CUL2: variants seen among roughly 807,000 people sequenced by gnomAD.
CUL2 encodes cullin 2.
Under a neutral mutation model 110.2 loss-of-function variants are expected in CUL2, and 22 were observed. The observed-to-expected ratio is 0.20, with a 90% CI of 0.14 to 0.28. CUL2 has a LOEUF of 0.28. CUL2 is among the 10% of genes least tolerant of loss of function. The probability of loss-of-function intolerance (pLI) is 1.00; values close to 1 mark genes in which losing one functional copy is unlikely to be tolerated. For synonymous variants in CUL2, 279 were observed against 293.2 expected, an observed-to-expected ratio of 0.95 and a Z score of 0.49; for missense variants, 631 against 905.5, an observed-to-expected ratio of 0.70 and a Z score of 3.89.
chr10:35,055,845 AGAGGAAT>A (rs1157533742), intron 4 of CUL2, among the ~76,000 whole-genome samples: 1 of 152,160 alleles, frequency 6.6e-6, no homozygotes, highest in Non-Finnish European at 1.5e-5. Context: ...AGCTAAGGAA[AGAGGAAT>A]AAGATTGAGA....
intron 10 of CUL2, among the ~76,000 whole-genome samples, chr10:35,033,731 C>A (rs187194409): frequency 6.9e-6 from 1 of 145,066 alleles, no homozygotes; most frequent in Non-Finnish European, 1.5e-5. Context: ...AGTGAGACTC[C>A]GTCTCAGAAA....
intron 18 of CUL2, among the ~76,000 whole-genome samples, chr10:35,015,555 A>G (rs2085005179): frequency 6.6e-6 from 1 of 152,222 alleles, no homozygotes; most frequent in Non-Finnish European, 1.5e-5. Context: ...AATAATTTGA[A>G]GGAGATATAA....
intron 3 of CUL2, among the ~76,000 whole-genome samples, chr10:35,061,774 T>G (rs1468886335): frequency 6.6e-6 from 1 of 151,232 alleles, no homozygotes; most frequent in East Asian, 1.9e-4. Context: ...TGAGGGTTTT[T>G]TTTTTTTTTT....
chr10:35,031,254 T>C lies in CUL2; in HGVS notation c.1386+46A>G, dbSNP rs769737869. ...GCTGCAATGAACATCTTTATGTGCT[T>C]GTGAATGAATTTCTAGGACAATACC... On this transcript the variant is annotated intron_variant, in intron 14 of 20. Transcript: ENST00000374749. The surrounding 1 kb of genome is among the most constrained non-coding windows in gnomAD (Gnocchi z 4.4). The C allele has an allele frequency of 8.3e-7, 1 of 1,207,166 alleles. No homozygotes were observed. 74.8% of individuals were successfully genotyped at this position (1,207,166 alleles called of 1,614,324 possible). A position where few individuals can be genotyped will look rare whatever the true frequency, so the allele number is the denominator to read the frequency against.
At chr10:35,083,908 G>A (rs968492679) in intron 1 of CUL2, among the ~76,000 whole-genome samples, 2 of 152,080 alleles carry the variant, frequency 1.3e-5, no homozygotes, top group African/African-American at 4.8e-5. Context: ...TTCATTCTTT[G>A]AAAAGCAACC....
chr10:35,027,113 T>C (rs984894438), intron 16 of CUL2, among the ~76,000 whole-genome samples: 3 of 151,544 alleles, frequency 2.0e-5, no homozygotes, highest in Non-Finnish European at 4.4e-5. Flanking sequence ...CTTTAATAGA[T>C]AGCTACATTA....
chr10:35,106,490 T>C (rs1191276007), intron 1 of CUL2, among the ~76,000 whole-genome samples: 1 of 151,144 alleles, frequency 6.6e-6, no homozygotes, highest in Non-Finnish European at 1.5e-5. Context: ...CGGCTAATTT[T>C]TTTTTTTCTT....
chr10:35,042,874 A>G (rs995393643), intron 8 of CUL2, among the ~76,000 whole-genome samples: 7 of 152,120 alleles, frequency 4.6e-5, no homozygotes, highest in African/African-American at 1.7e-4. Context: ...GGAGGCCCAG[A>G]CTTGTGACTG....
At chr10:35,065,081 A>G (rs2086482057) in intron 2 of CUL2, among the ~76,000 whole-genome samples, 1 of 152,210 alleles carries the variant, frequency 6.6e-6, no homozygotes, top group Non-Finnish European at 1.5e-5. Context: ...TGGGTCTCAA[A>G]TCACTGTATA....
chr10:35,013,632 A>C (rs958285161), intron 19 of CUL2, 67 bp downstream of exon 19: 5 of 1,020,312 alleles, frequency 4.9e-6, no homozygotes, highest in Admixed American at 5.7e-5. Flanking sequence ...TCTCAATGTA[A>C]ACACTTGTAA....
intron 1 of CUL2, among the ~76,000 whole-genome samples, chr10:35,124,263 A>C (rs1039660606): frequency 1.3e-4 from 20 of 152,288 alleles, no homozygotes; most frequent in Middle Eastern, 3.4e-3. Flanking sequence ...ATGAAAAATG[A>C]GAAAAAGTGG....
intron 17 of CUL2, among the ~76,000 whole-genome samples, chr10:35,019,286 G>A (rs552457942): frequency 9.2e-5 from 14 of 152,228 alleles, no homozygotes; most frequent in Middle Eastern, 3.4e-3. Flanking sequence ...TCAGCACCAC[G>A]AGACCCAAAG....
intron 4 of CUL2, among the ~76,000 whole-genome samples, chr10:35,057,759 G>C (rs576278679): frequency 2.0e-5 from 3 of 151,886 alleles, no homozygotes; most frequent in African/African-American, 4.8e-5. Context: ...AGTCACTGTA[G>C]TATTTTACAA....
At chr10:35,119,653 T>C (rs1263868800) in intron 1 of CUL2, among the ~76,000 whole-genome samples, 3 of 151,812 alleles carry the variant, frequency 2.0e-5, no homozygotes, top group Admixed American at 6.6e-5. Context: ...AGTCCAGTGG[T>C]GCAAACTCCT....
At chr10:35,034,228 A>G (rs2085559370) in intron 10 of CUL2, among the ~76,000 whole-genome samples, 1 of 152,224 alleles carries the variant, frequency 6.6e-6, no homozygotes. Context: ...TCTATGCCCA[A>G]TGTCATTGGA....
intron 2 of CUL2, among the ~76,000 whole-genome samples, chr10:35,070,701 C>T (rs532458029): frequency 2.0e-5 from 3 of 152,292 alleles, no homozygotes; most frequent in East Asian, 3.9e-4. Flanking sequence ...ACACTCTTCC[C>T]CCCAAAATCA....
At chr10:35,059,936 AC>A (rs1287190251) in intron 4 of CUL2, among the ~76,000 whole-genome samples, 1 of 152,254 alleles carries the variant, frequency 6.6e-6, no homozygotes, top group Non-Finnish European at 1.5e-5. Context: ...TGCAACATTT[AC>A]TAAAAGTTCA....
chr10:35,087,558 G>A (rs2087094130), intron 1 of CUL2, among the ~76,000 whole-genome samples: 1 of 151,912 alleles, frequency 6.6e-6, no homozygotes, highest in African/African-American at 2.4e-5. Flanking sequence ...AACTTAACAT[G>A]TCCAATCCAA....
intron 1 of CUL2, among the ~76,000 whole-genome samples, chr10:35,084,731 C>A (rs779101745): frequency 1.8e-4 from 28 of 152,238 alleles, no homozygotes; most frequent in Middle Eastern, 6.8e-3. Flanking sequence ...CATTCCAAAT[C>A]GCTGCTTGTT....
Sources: allele counts gnomAD v4.1 joint callset (sites outside exome capture counted in the v4.1 genomes callset), GRCh38; gene constraint gnomAD v4.1.1; non-coding constraint Gnocchi (gnomAD v3.1); transcripts MANE v1.5; gene names NCBI Gene and HGNC (gene_info 2026-07-23, HGNC 2026-07-21).